TEX9: variants seen among roughly 807,000 people sequenced by gnomAD.
TEX9 encodes the protein testis-expressed protein 9.
TEX9 carries 74 observed loss-of-function variants against 59.6 expected under a neutral mutation model. The observed-to-expected ratio is 1.24, with a 90% CI of 1.03 to 1.51. TEX9 has a LOEUF of 1.51. Among genes scored for constraint, TEX9 ranks in the 40% most tolerant of loss-of-function variants. The pLI is 0.00. For missense variants in TEX9, 522 were observed against 447.8 expected, an observed-to-expected ratio of 1.17 and a Z score of -1.49; for synonymous variants, 186 against 152.2, an observed-to-expected ratio of 1.22 and a Z score of -1.64.
chr15:56,343,464 G>T (rs1198871721), intron 1 of TEX9, among the ~76,000 whole-genome samples: 2 of 151,930 alleles, frequency 1.3e-5, no homozygotes, highest in African/African-American at 4.8e-5. Context: ...TTGGTATTTT[G>T]GAAAAATTAA....
chr15:56,383,976 A>C (rs1223765662), exon 4 of TEX9: 2 of 1,612,638 alleles, frequency 1.2e-6, no homozygotes, highest in Non-Finnish European at 1.7e-6. Context: ...AGTACGATCT[A>C]GGCCTGTTTC....
chr15:56,283,833 G>A (rs1214631304), intron 1 of TEX9, among the ~76,000 whole-genome samples: 1 of 152,018 alleles, frequency 6.6e-6, no homozygotes, highest in Non-Finnish European at 1.5e-5. Flanking sequence ...ATTTGGTAAC[G>A]CTGATATAAA....
At chr15:56,251,327 T>A (rs1313382186) in intron 1 of TEX9, among the ~76,000 whole-genome samples, 1 of 152,166 alleles carries the variant, frequency 6.6e-6, no homozygotes, top group Non-Finnish European at 1.5e-5. Flanking sequence ...ATATCCACAG[T>A]CACCCTCCAA....
intron 9 of TEX9, among the ~76,000 whole-genome samples, chr15:56,407,896 C>A (rs2049154170): frequency 1.3e-5 from 2 of 152,098 alleles, no homozygotes; most frequent in South Asian, 4.1e-4. Flanking sequence ...TGAATTAGTA[C>A]CTCTTCTGTC....
At chr15:56,244,695 C>T (rs1177799748) in intron 1 of TEX9, among the ~76,000 whole-genome samples, 3 of 151,572 alleles carry the variant, frequency 2.0e-5, no homozygotes, top group Non-Finnish European at 4.4e-5. Context: ...GCAGCCAAGG[C>T]CACTGCCTGC....
intron 1 of TEX9, among the ~76,000 whole-genome samples, chr15:56,298,909 A>G (rs1470350158): frequency 1.3e-5 from 2 of 152,212 alleles, no homozygotes; most frequent in African/African-American, 4.8e-5. Flanking sequence ...ACATGAATAA[A>G]TTTTTTATCT....
intron 1 of TEX9, among the ~76,000 whole-genome samples, chr15:56,309,172 T>G (rs2045547631): frequency 6.6e-6 from 1 of 152,200 alleles, no homozygotes. Flanking sequence ...ACGTTCATTA[T>G]CAAGTATGAC....
intron 9 of TEX9, among the ~76,000 whole-genome samples, chr15:56,403,307 G>A (rs891056853): frequency 2.0e-5 from 3 of 152,206 alleles, no homozygotes; most frequent in Non-Finnish European, 4.4e-5. Flanking sequence ...CAAAATCAAT[G>A]TGCAAAAATC....
chr15:56,405,866 G>A (rs1380413345), intron 9 of TEX9, among the ~76,000 whole-genome samples: 1 of 152,018 alleles, frequency 6.6e-6, no homozygotes, highest in Non-Finnish European at 1.5e-5. Flanking sequence ...AACAGATGGA[G>A]TTTTCTGAAA....
intron 1 of TEX9, among the ~76,000 whole-genome samples, chr15:56,284,431 A>C (rs530203271): frequency 1.3e-5 from 2 of 152,310 alleles, no homozygotes. Context: ...TATTATCTGG[A>C]AAGAATATTA....
intron 3 of TEX9, among the ~76,000 whole-genome samples, chr15:56,383,151 T>C (rs765884441): frequency 6.6e-6 from 1 of 152,208 alleles, no homozygotes; most frequent in Non-Finnish European, 1.5e-5. Context: ...CCGCCCCGCA[T>C]GACTTTGCTC....
intron 12 of TEX9, among the ~76,000 whole-genome samples, chr15:56,437,000 T>C (rs1320356392): frequency 6.6e-6 from 1 of 152,118 alleles, no homozygotes; most frequent in Non-Finnish European, 1.5e-5. Context: ...CCAGATGGAT[T>C]CACAGCCGAA....
downstream of TEX9, among the ~76,000 whole-genome samples, chr15:56,448,186 C>T (rs11858489): frequency 0.29 from 43,686 of 152,062 alleles, 6,881 homozygotes; most frequent in Middle Eastern, 0.47. Context: ...TCAGGTCATA[C>T]AGTAGATGCA....
chr15:56,251,218 G>A (rs754063367), intron 1 of TEX9, among the ~76,000 whole-genome samples: 2 of 152,064 alleles, frequency 1.3e-5, no homozygotes, highest in Non-Finnish European at 2.9e-5. Flanking sequence ...GTTATATTGT[G>A]GCTGATGTTA....
At chr15:56,433,269 G>T (rs2050648300) in intron 12 of TEX9, among the ~76,000 whole-genome samples, 1 of 136,508 alleles carries the variant, frequency 7.3e-6, no homozygotes. Context: ...GGGTGGGGGG[G>T]ACAAGGGGAA....
intron 4 of TEX9, 84 bp from the exon 5 acceptor site, chr15:56,388,388 C>T: frequency 6.5e-6 from 7 of 1,071,510 alleles, no homozygotes; most frequent in Middle Eastern, 3.0e-4. Context: ...GAATATTTTC[C>T]CTTTCAAATA....
At chr15:56,398,226 T>C (rs1487248032) in intron 9 of TEX9, 5 of 152,236 alleles carry the variant, frequency 3.3e-5, no homozygotes, top group African/African-American at 1.2e-4. Flanking sequence ...GAATGAAGAA[T>C]GTAAAATATC....
At chr15:56,280,459 C>A (rs1417400454) in intron 1 of TEX9, among the ~76,000 whole-genome samples, 1 of 152,142 alleles carries the variant, frequency 6.6e-6, no homozygotes, top group Non-Finnish European at 1.5e-5. Context: ...AACATTCTAC[C>A]CGAAGGCAAA....
chr15:56,367,636 A>G (rs1373519924), intron 2 of TEX9, among the ~76,000 whole-genome samples: 3 of 152,218 alleles, frequency 2.0e-5, no homozygotes, highest in African/African-American at 7.2e-5. Context: ...TTGGATTTAC[A>G]GATTAATTTG....
Sources: gnomAD v4.1 joint callset for allele counts (sites outside exome capture counted in the v4.1 genomes callset) on GRCh38, gnomAD v4.1.1 for gene constraint, MANE v1.5 for transcripts, NCBI Gene and HGNC (gene_info 2026-07-23, HGNC 2026-07-21) for gene names.